PICALM: variants seen among roughly 807,000 people sequenced by gnomAD.
PICALM encodes the protein phosphatidylinositol-binding clathrin assembly protein.
PICALM carries 40 observed loss-of-function variants against 80.5 expected under a neutral mutation model. The ratio of observed to expected loss-of-function variants is 0.50; its 90% confidence interval spans 0.39 to 0.65. PICALM has a LOEUF of 0.65. Ranked by LOEUF, PICALM falls within the 30% of genes least tolerant of loss-of-function variation. PICALM has a pLI of 0.00. For synonymous variants in PICALM, 288 were observed against 260.3 expected (o/e 1.11, Z -1.02); for missense variants, 676 against 778.9 (o/e 0.87, Z 1.57).
At chr11:85,974,980 T>C (rs1165759636) in intron 18 of PICALM, among the ~76,000 whole-genome samples, 168 bp from the exon 19 acceptor site, 1 of 152,136 alleles carries the variant, frequency 6.6e-6, no homozygotes, top group African/African-American at 2.4e-5. Flanking sequence ...TCGAGAGTAT[T>C]TTTTTTTCTT....
At chr11:85,973,662 C>T (rs1274480064) in intron 19 of PICALM, among the ~76,000 whole-genome samples, 1 of 152,054 alleles carries the variant, frequency 6.6e-6, no homozygotes, top group East Asian at 1.9e-4. Context: ...GAGGGGACTA[C>T]CGTGCACAGA....
chr11:86,002,181 G>A (rs1309408459), intron 9 of PICALM, among the ~76,000 whole-genome samples: 1 of 152,112 alleles, frequency 6.6e-6, no homozygotes, highest in Non-Finnish European at 1.5e-5. Context: ...TCAAATAAAT[G>A]AGACTTATTG....
At chr11:86,042,134 G>A (rs1432191800) in intron 1 of PICALM, among the ~76,000 whole-genome samples, 1 of 151,982 alleles carries the variant, frequency 6.6e-6, no homozygotes, top group Non-Finnish European at 1.5e-5. Context: ...ATGCATTCAG[G>A]CTCATCTGTA....
chr11:86,051,616 G>A lies in PICALM; in HGVS notation c.130+17035C>T, dbSNP rs148739217. ...GCAGAGGTTGCAGTGAGCTGACATC[G>A]CGACACTGCACTCCAGCCTGCGTAA... On this transcript the variant is annotated intron_variant, in intron 1 of 19. Transcript: ENST00000393346. Among the ~76,000 whole-genome samples, 5 of 152,206 alleles carry A rather than the reference G, an allele frequency of 3.3e-5. No individual in the cohort carries two copies. In the East Asian group the frequency reaches 7.7e-4, roughly 24 times the overall value.
intron 19 of PICALM, among the ~76,000 whole-genome samples, chr11:85,961,257 G>A (rs1252352879): frequency 6.6e-6 from 1 of 152,078 alleles, no homozygotes; most frequent in African/African-American, 2.4e-5. Context: ...CATAAGGGTC[G>A]AAAAGTCCTG....
chr11:86,044,474 C>T (rs978652538), intron 1 of PICALM, among the ~76,000 whole-genome samples: 15 of 152,162 alleles, frequency 9.9e-5, no homozygotes, highest in African/African-American at 7.2e-5. Context: ...TCTAGTTTTA[C>T]GTATATAGTA....
At chr11:85,982,091 G>T in intron 14 of PICALM, 88 bp from the exon 15 acceptor site, 1 of 1,184,370 alleles carries the variant, frequency 8.4e-7, no homozygotes, top group Non-Finnish European at 1.2e-6. Context: ...TTTTCTCCTT[G>T]TTTATTCACT....
chr11:85,982,227 A>G (rs1314741475), intron 14 of PICALM: 3 of 475,730 alleles, frequency 6.3e-6, no homozygotes, highest in South Asian at 2.3e-5. Flanking sequence ...CTCTTATCTC[A>G]TGACAAAATT....
intron 3 of PICALM, among the ~76,000 whole-genome samples, chr11:86,025,081 A>G (rs1341760049): frequency 1.3e-5 from 2 of 152,168 alleles, no homozygotes; most frequent in African/African-American, 4.8e-5. Flanking sequence ...AGCTATAACC[A>G]CATTATGTCC....
chr11:86,069,554 C>T (rs1332764338), upstream of PICALM: 2 of 152,322 alleles, frequency 1.3e-5, no homozygotes. Context: ...GGTATTAGGC[C>T]TCTGGCTCCC....
At chr11:86,055,093 G>C (rs111395809) in intron 1 of PICALM, among the ~76,000 whole-genome samples, 24,781 of 152,082 alleles carry the variant, frequency 0.16, 2,577 homozygotes, top group Middle Eastern at 0.24. Flanking sequence ...CACTGTGGGA[G>C]GCTGAGATGG....
chr11:85,965,802 A>ATTTTTTT (rs1202220050), intron 19 of PICALM, among the ~76,000 whole-genome samples: 3 of 105,758 alleles, frequency 2.8e-5, no homozygotes, highest in African/African-American at 7.3e-5. Context: ...TGCATTACCC[A>ATTTTTTT]TTTTGTTTTT....
intron 17 of PICALM, chr11:85,977,999 T>C: frequency 9.1e-7 from 1 of 1,097,614 alleles, no homozygotes; most frequent in Non-Finnish European, 1.4e-6. Flanking sequence ...TGAAAGGTTA[T>C]GAGATTCTGC....
chr11:86,067,658 T>G (rs1225887607), intron 1 of PICALM, among the ~76,000 whole-genome samples: 1 of 152,240 alleles, frequency 6.6e-6, no homozygotes, highest in Non-Finnish European at 1.5e-5. Flanking sequence ...TGCCAATTTT[T>G]TTAAGGGATG....
intron 1 of PICALM, among the ~76,000 whole-genome samples, chr11:86,049,593 C>T (rs2096142780): frequency 6.6e-6 from 1 of 151,502 alleles, no homozygotes; most frequent in East Asian, 2.0e-4. Context: ...CACTCTGTCA[C>T]CCAGGCTGGA....
intron 1 of PICALM, among the ~76,000 whole-genome samples, chr11:86,056,418 T>G (rs1483771005): frequency 2.6e-5 from 4 of 151,078 alleles, no homozygotes; most frequent in Admixed American, 6.6e-5. Context: ...CTAAACAGCA[T>G]TAACCACTAG....
In PICALM at chr11:85,983,873, A is replaced by T; in HGVS notation, c.1509T>A (p.Asp503Glu). The change falls in exon 14 of 20, where the codon GAT becomes GAA. Residue 503 changes from aspartate (D) to glutamate (E), a missense_variant. Coordinates refer to ENST00000393346, the MANE Select transcript of PICALM (RefSeq NM_007166.4). ...FGNKSTNVIV[D>E]SGGFDELGGL... ...AAAATTTTTTTTCCTTACCCCCAGA[A>T]TCTACAATAACATTTGTAGATTTAT... 1 of 1,480,380 alleles carries T rather than the reference A, an allele frequency of 6.8e-7. No homozygotes were observed. The highest frequency in any genetic ancestry group is 9.4e-7 in the Non-Finnish European group (1 of 1,067,022). The allele number at this position is 1,480,380 out of a possible 1,614,324, so 91.7% of individuals were successfully genotyped here. A position where few individuals can be genotyped will look rare whatever the true frequency, so the allele number is the denominator to read the frequency against.
chr11:85,964,029 A>T (rs2093788646), intron 19 of PICALM, among the ~76,000 whole-genome samples: 1 of 151,000 alleles, frequency 6.6e-6, no homozygotes, highest in African/African-American at 2.4e-5. Context: ...AAAGAAGGTT[A>T]AAAAAAGTCT....
intron 1 of PICALM, among the ~76,000 whole-genome samples, chr11:86,048,179 T>C (rs1359727183): frequency 6.6e-6 from 1 of 151,976 alleles, no homozygotes; most frequent in Admixed American, 6.6e-5. Context: ...AGTCAAGGAG[T>C]ATCTTAGTAT....
Sources: gnomAD v4.1 joint callset for allele counts (sites outside exome capture counted in the v4.1 genomes callset) on GRCh38, gnomAD v4.1.1 for gene constraint, MANE v1.5 for transcripts, NCBI Gene and HGNC (gene_info 2026-07-23, HGNC 2026-07-21) for gene names.